Variants in WDR72 observed in about 807,000 individuals in gnomAD.
WDR72 encodes WD repeat domain 72.
In WDR72, 120 loss-of-function variants were observed where a neutral mutation model predicts 124.2. That is an observed-to-expected ratio of 0.97 (90% CI 0.83 to 1.12). The LOEUF is 1.12. Ranked by LOEUF, WDR72 falls within the 50% of genes most tolerant of loss-of-function variation. The pLI, the probability that WDR72 is intolerant of heterozygous loss-of-function variation, is 0.00. For synonymous variants in WDR72, 452 were observed against 441.7 expected, an observed-to-expected ratio of 1.02 and a Z score of -0.29; for missense variants, 1,387 against 1,278.8, an observed-to-expected ratio of 1.08 and a Z score of -1.29.
At chr15:53,715,469 A>C (rs2017677551) in intron 4 of WDR72, 102 bp from the exon 5 acceptor site, 1 of 1,403,346 alleles carries the variant, frequency 7.1e-7, no homozygotes, top group Non-Finnish European at 9.9e-7. Context: ...GCATATGATC[A>C]ATTAAGGTAT....
At chr15:53,689,470 C>T (rs1296768231) in intron 13 of WDR72, among the ~76,000 whole-genome samples, 1 of 149,228 alleles carries the variant, frequency 6.7e-6, no homozygotes, top group Non-Finnish European at 1.5e-5. Flanking sequence ...AAAAAATGCT[C>T]ATCATCTCTG....
intron 1 of WDR72, among the ~76,000 whole-genome samples, chr15:53,736,822 T>C (rs971492591): frequency 6.6e-6 from 1 of 152,022 alleles, no homozygotes; most frequent in Non-Finnish European, 1.5e-5. Context: ...TTACAGGAAA[T>C]TGGTTACATA....
chr15:53,677,458 C>G (rs1411511753), intron 13 of WDR72, among the ~76,000 whole-genome samples: 3 of 152,136 alleles, frequency 2.0e-5, no homozygotes, highest in Admixed American at 6.5e-5. Context: ...TGATTTGGCT[C>G]TGTCCCCACT....
chr15:53,714,346 A>G, intron 6 of WDR72, 88 bp downstream of exon 6: 1 of 1,055,748 alleles, frequency 9.5e-7, no homozygotes, highest in Non-Finnish European at 1.5e-6. Context: ...AACTTTTGAC[A>G]ATAAACATGT....
chr15:53,724,537 G>C (rs894136572), intron 2 of WDR72, among the ~76,000 whole-genome samples: 1 of 152,136 alleles, frequency 6.6e-6, no homozygotes, highest in Non-Finnish European at 1.5e-5. Context: ...TATCATGGCA[G>C]AGCAGGAGAC....
At chr15:53,610,122 A>G (rs2140359156) in intron 16 of WDR72, among the ~76,000 whole-genome samples, 1 of 152,078 alleles carries the variant, frequency 6.6e-6, no homozygotes. Context: ...GTAGAGCACT[A>G]CTGTTTTAAT....
At chr15:53,743,561 T>C (rs1257922779) in intron 1 of WDR72, among the ~76,000 whole-genome samples, 1 of 152,244 alleles carries the variant, frequency 6.6e-6, no homozygotes, top group Admixed American at 6.5e-5. Context: ...ATTCGAAATA[T>C]AGGAAGTTCA....
At chr15:53,737,493 T>C (rs1468655221) in intron 1 of WDR72, among the ~76,000 whole-genome samples, 3 of 152,166 alleles carry the variant, frequency 2.0e-5, no homozygotes, top group East Asian at 3.9e-4. Context: ...ACCAGGCAAA[T>C]AGTAATAAAA....
At chr15:53,749,396 T>C (rs2018720829) in intron 1 of WDR72, among the ~76,000 whole-genome samples, 1 of 152,150 alleles carries the variant, frequency 6.6e-6, no homozygotes, top group African/African-American at 2.4e-5. Flanking sequence ...ATTATGCCCA[T>C]ATAAGATGGC....
chr15:53,756,438 A>G (rs1469185440), intron 1 of WDR72, among the ~76,000 whole-genome samples: 1 of 152,150 alleles, frequency 6.6e-6, no homozygotes, highest in Non-Finnish European at 1.5e-5. Context: ...GGACTAATAC[A>G]TGGGCCCTCA....
intron 14 of WDR72, among the ~76,000 whole-genome samples, chr15:53,654,557 A>G (rs1360015717): frequency 6.6e-6 from 1 of 152,256 alleles, no homozygotes; most frequent in Non-Finnish European, 1.5e-5. Flanking sequence ...TTGTGGCCCC[A>G]TAGCTGGGCC....
intron 16 of WDR72, among the ~76,000 whole-genome samples, chr15:53,609,931 C>G (rs1416668813): frequency 2.6e-5 from 4 of 152,010 alleles, no homozygotes; most frequent in African/African-American, 9.7e-5. Context: ...TTCATTTTTA[C>G]AGCTTCAACA....
At chr15:53,666,106 T>A (rs933086884) in intron 13 of WDR72, among the ~76,000 whole-genome samples, 2 of 152,286 alleles carry the variant, frequency 1.3e-5, no homozygotes, top group Middle Eastern at 3.4e-3. Flanking sequence ...TTTAGTGCTG[T>A]CCCCTAGTGT....
chr15:53,698,274 T>C (rs534424672), intron 13 of WDR72, among the ~76,000 whole-genome samples: 60 of 152,312 alleles, frequency 3.9e-4, no homozygotes, highest in Middle Eastern at 3.4e-3. Flanking sequence ...AGTGCCCAGA[T>C]ATTTATTTAT....
At chr15:53,610,260 G>C (rs1166215898) in intron 16 of WDR72, among the ~76,000 whole-genome samples, 1 of 152,046 alleles carries the variant, frequency 6.6e-6, no homozygotes, top group African/African-American at 2.4e-5. Flanking sequence ...CTGGTTCATA[G>C]AGTGTCCAGC....
intron 9 of WDR72, among the ~76,000 whole-genome samples, chr15:53,710,180 C>T (rs1022861489): frequency 6.6e-6 from 1 of 152,076 alleles, no homozygotes; most frequent in Non-Finnish European, 1.5e-5. Context: ...GTAAGAATAG[C>T]TAAATACATC....
chr15:53,686,598 A>T (rs2016635606), intron 13 of WDR72, among the ~76,000 whole-genome samples: 1 of 151,426 alleles, frequency 6.6e-6, no homozygotes, highest in Non-Finnish European at 1.5e-5. Flanking sequence ...TTAGACTCCC[A>T]CACATTAATA....
chr15:53,689,453 A>C (rs1211372980), intron 13 of WDR72, among the ~76,000 whole-genome samples: 1 of 149,592 alleles, frequency 6.7e-6, no homozygotes, highest in Admixed American at 6.6e-5. Context: ...CAGCCAAAAA[A>C]CACATGAAAA....
intron 11 of WDR72, among the ~76,000 whole-genome samples, chr15:53,703,816 C>A (rs569376015): frequency 6.6e-6 from 1 of 152,146 alleles, no homozygotes; most frequent in Non-Finnish European, 1.5e-5. Flanking sequence ...TATTATACTT[C>A]GGAAACTTCT....
Sources: allele counts gnomAD v4.1 joint callset (sites outside exome capture counted in the v4.1 genomes callset), GRCh38; gene constraint gnomAD v4.1.1; transcripts MANE v1.5; gene names NCBI Gene and HGNC (gene_info 2026-07-23, HGNC 2026-07-21).